The following CNBD1 variants were observed in gnomAD, a reference collection of about 807,000 sequenced individuals.
CNBD1 encodes the protein cyclic nucleotide-binding domain-containing protein 1.
Under a neutral mutation model 54.4 loss-of-function variants are expected in CNBD1, and 71 were observed. That is an observed-to-expected ratio of 1.30 (90% CI 1.08 to 1.59). The LOEUF (loss-of-function observed/expected upper bound fraction) is 1.59, where lower values mean the gene tolerates loss of function less well. CNBD1 is among the 40% of genes most tolerant of loss of function. The pLI is 0.00. For synonymous variants in CNBD1, 182 were observed against 170.7 expected, an observed-to-expected ratio of 1.07 and a Z score of -0.51; for missense variants, 659 against 518.0, an observed-to-expected ratio of 1.27 and a Z score of -2.64.
chr8:86,935,153 A>G (rs1429158641), intron 3 of CNBD1, among the ~76,000 whole-genome samples: 1 of 152,094 alleles, frequency 6.6e-6, no homozygotes, highest in African/African-American at 2.4e-5. Context: ...CACCTGCCTC[A>G]GTGTCCCGAG....
At chr8:87,045,793 G>T (rs1376830704) in intron 4 of CNBD1, among the ~76,000 whole-genome samples, 17 of 148,268 alleles carry the variant, frequency 1.1e-4, no homozygotes, top group Admixed American at 1.1e-3. Flanking sequence ...TATAATCCCA[G>T]CACTTTAGGA....
chr8:87,016,739 C>T (rs1173909507), intron 4 of CNBD1, among the ~76,000 whole-genome samples: 1 of 152,166 alleles, frequency 6.6e-6, no homozygotes, highest in Non-Finnish European at 1.5e-5. Flanking sequence ...CATTAGTGAA[C>T]AATCACTGAT....
chr8:87,423,127 A>T (rs1183072788), intron 2 of CNBD1, among the ~76,000 whole-genome samples: 5 of 152,162 alleles, frequency 3.3e-5, no homozygotes, highest in South Asian at 4.1e-4. Context: ...TTGATTTTGT[A>T]TCCTGAGACT....
intron 4 of CNBD1, among the ~76,000 whole-genome samples, chr8:87,015,510 A>G (rs1203927010): frequency 6.6e-6 from 1 of 152,086 alleles, no homozygotes; most frequent in Non-Finnish European, 1.5e-5. Flanking sequence ...TTTAATGCAA[A>G]AAGTTTTTAA....
intron 4 of CNBD1, among the ~76,000 whole-genome samples, chr8:87,152,830 A>G (rs911708647): frequency 6.6e-6 from 1 of 152,186 alleles, no homozygotes; most frequent in East Asian, 1.9e-4. Context: ...TTGAAATACT[A>G]TACTTTTGCT....
chr8:87,197,318 TGTGAAAGCCAAATTTAGAGAA>T (rs1242786851), intron 4 of CNBD1, among the ~76,000 whole-genome samples: 1 of 152,144 alleles, frequency 6.6e-6, no homozygotes, highest in African/African-American at 2.4e-5. Flanking sequence ...TTAAGAGAGA[TGTGAAAGCCAAATTTAGAGAA>T]GTGAAAGCCA....
At chr8:87,383,488 C>T (rs1280672933), downstream of CNBD1, among the ~76,000 whole-genome samples, 1 of 152,124 alleles carries the variant, frequency 6.6e-6, no homozygotes, top group African/African-American at 2.4e-5. Context: ...GTCATTCCCA[C>T]ATGGAGGAAA....
At chr8:87,217,738 A>G (rs1467758922) in intron 5 of CNBD1, among the ~76,000 whole-genome samples, 1 of 152,000 alleles carries the variant, frequency 6.6e-6, no homozygotes, top group Non-Finnish European at 1.5e-5. Context: ...AGCTCATATT[A>G]TTGTTTTTGT....
intron 4 of CNBD1, among the ~76,000 whole-genome samples, chr8:86,950,070 T>G (rs1345055494): frequency 1.2e-4 from 11 of 90,020 alleles, no homozygotes; most frequent in African/African-American, 2.2e-4. Context: ...TTTTTTTTTT[T>G]TTTTTTTTTG....
intron 2 of CNBD1, among the ~76,000 whole-genome samples, chr8:87,409,079 T>C (rs1807697632): frequency 6.6e-6 from 1 of 152,154 alleles, no homozygotes; most frequent in African/African-American, 2.4e-5. Context: ...GTAGAAATGA[T>C]TAAGCTTAAT....
intron 3 of CNBD1, among the ~76,000 whole-genome samples, chr8:86,936,847 T>G (rs1281646523): frequency 6.6e-6 from 1 of 152,136 alleles, no homozygotes; most frequent in African/African-American, 2.4e-5. Flanking sequence ...CAAGTTTTAT[T>G]AAAAATTCAA....
At chr8:87,100,832 G>T (rs1170833360) in intron 4 of CNBD1, among the ~76,000 whole-genome samples, 3 of 152,190 alleles carry the variant, frequency 2.0e-5, no homozygotes, top group Non-Finnish European at 4.4e-5. Flanking sequence ...AGCTGACAGA[G>T]TGGCTGGAAA....
At chr8:87,225,380 T>C (rs1814458392) in intron 5 of CNBD1, among the ~76,000 whole-genome samples, 2 of 151,980 alleles carry the variant, frequency 1.3e-5, no homozygotes, top group Non-Finnish European at 2.9e-5. Flanking sequence ...GGCTGTGGGT[T>C]TGTCATAGCT....
intron 8 of CNBD1, among the ~76,000 whole-genome samples, chr8:87,338,295 G>C (rs1260747645): frequency 6.6e-6 from 1 of 152,010 alleles, no homozygotes; most frequent in Non-Finnish European, 1.5e-5. Flanking sequence ...ATATAGATAT[G>C]AGTTTCTGTT....
At chr8:87,207,666 T>C (rs1449912131) in intron 5 of CNBD1, among the ~76,000 whole-genome samples, 1 of 152,220 alleles carries the variant, frequency 6.6e-6, no homozygotes, top group East Asian at 1.9e-4. Flanking sequence ...TATTTGTTAA[T>C]ATTTGTAATT....
In CNBD1 at chr8:87,286,680, A is replaced by G; in HGVS notation, c.1042+9A>G. The G allele has an allele frequency of 6.5e-7, 1 of 1,529,418 alleles. No individual in the cohort carries two copies. The highest frequency in any genetic ancestry group is 8.8e-7 in the Non-Finnish European group (1 of 1,131,266). 94.7% of individuals were successfully genotyped at this position (1,529,418 alleles called of 1,614,324 possible). A position where few individuals can be genotyped will look rare whatever the true frequency, so the allele number is the denominator to read the frequency against. The stretch of plus-strand genomic sequence containing the variant: ...ATTTCCTCCAGGTCATGGTAAGTTT[A>G]ATGCAATTTAGATCATTTTGTTTGC... On this transcript the variant is annotated intron_variant, in intron 8 of 10. Coordinates refer to ENST00000518476, the MANE Select transcript of CNBD1 (RefSeq NM_173538.3).
At chr8:87,339,819 A>AT (rs113701419) in intron 8 of CNBD1, among the ~76,000 whole-genome samples, 3,663 of 152,214 alleles carry the variant, frequency 0.024, 149 homozygotes, top group African/African-American at 0.081. Flanking sequence ...CCCTTCTCAC[A>AT]TTTATGTTAC....
intron 4 of CNBD1, among the ~76,000 whole-genome samples, chr8:87,115,578 T>C (rs1811751012): frequency 6.6e-6 from 1 of 152,314 alleles, no homozygotes; most frequent in African/African-American, 2.4e-5. Flanking sequence ...GACACATTTA[T>C]GGAGTGGCAG....
At chr8:87,059,112 T>C (rs1353663421) in intron 4 of CNBD1, among the ~76,000 whole-genome samples, 2 of 152,174 alleles carry the variant, frequency 1.3e-5, no homozygotes, top group Non-Finnish European at 2.9e-5. Context: ...TCACCTTTGC[T>C]CTAGCTCCCA....
Sources: gnomAD v4.1 joint callset for allele counts (sites outside exome capture counted in the v4.1 genomes callset) on GRCh38, gnomAD v4.1.1 for gene constraint, MANE v1.5 for transcripts, NCBI Gene and HGNC (gene_info 2026-07-23, HGNC 2026-07-21) for gene names.